Variants in MALRD1 observed in about 807,000 individuals in gnomAD.
MALRD1 encodes MAM and LDL receptor class A domain containing 1, also known as MAM and LDL-receptor class A domain-containing protein 1.
MALRD1 carries 247 observed loss-of-function variants against 242.1 expected under a neutral mutation model. That is an observed-to-expected ratio of 1.02 (90% CI 0.92 to 1.13). The LOEUF (loss-of-function observed/expected upper bound fraction) is 1.13, where lower values mean the gene tolerates loss of function less well. MALRD1 is among the 50% of genes most tolerant of loss of function. The probability of loss-of-function intolerance (pLI) is 0.00; values close to 1 mark genes in which losing one functional copy is unlikely to be tolerated. For missense variants in MALRD1, 2,989 were observed against 2,533.1 expected (o/e 1.18, Z -3.86); for synonymous variants, 995 against 866.6 (o/e 1.15, Z -2.60).
At chr10:19,522,519 A>G (rs1833926775) in intron 31 of MALRD1, among the ~76,000 whole-genome samples, 1 of 152,148 alleles carries the variant, frequency 6.6e-6, no homozygotes, top group Non-Finnish European at 1.5e-5. Flanking sequence ...TTCTTCTTAA[A>G]TAAGGACTGT....
intron 29 of MALRD1, among the ~76,000 whole-genome samples, chr10:19,473,244 A>G (rs1234155210): frequency 3.3e-5 from 5 of 151,636 alleles, no homozygotes; most frequent in African/African-American, 1.2e-4. Flanking sequence ...CCCTGCTCCT[A>G]TAACAGTGCC....
chr10:19,419,916 G>A (rs531978191), intron 28 of MALRD1, among the ~76,000 whole-genome samples: 1 of 152,054 alleles, frequency 6.6e-6, no homozygotes, highest in Admixed American at 6.5e-5. Context: ...ATAAAAAGAA[G>A]ACATAAAGTG....
intron 36 of MALRD1, among the ~76,000 whole-genome samples, chr10:19,645,226 C>T (rs181204626): frequency 6.6e-6 from 1 of 152,096 alleles, no homozygotes; most frequent in South Asian, 2.1e-4. Flanking sequence ...AAGTCAGGAA[C>T]AACAGGTGCT....
intron 18 of MALRD1, among the ~76,000 whole-genome samples, chr10:19,256,006 A>G (rs1341964053): frequency 2.0e-5 from 3 of 152,084 alleles, no homozygotes; most frequent in Non-Finnish European, 2.9e-5. Context: ...GAATGGAGCT[A>G]TGAATGTGTA....
chr10:19,226,184 G>A (rs1837792230), intron 18 of MALRD1, among the ~76,000 whole-genome samples: 1 of 152,036 alleles, frequency 6.6e-6, no homozygotes, highest in Non-Finnish European at 1.5e-5. Flanking sequence ...TCTCAAGTTG[G>A]TTTCAACAAC....
In MALRD1 at chr10:19,595,295, G is replaced by T. The variant is rs1222149450; in HGVS notation, c.5782G>T (p.Asp1928Tyr). ...CTCAGGGAAATGTGATGGACATGAA[G>T]ACTGCATAGATGGATCTGATGAAAT... Reference protein sequence around the residue: ...PLSGKCDGHEDCIDGSDEMDC... With the variant: ...PLSGKCDGHEYCIDGSDEMDC... The change falls in exon 34 of 40, where the codon GAC (aspartate) becomes TAC (tyrosine). Residue 1928 changes from aspartate to tyrosine, a missense_variant. Transcript: ENST00000454679. 7.7e-6 allele frequency: 12 copies of T among 1,550,678 alleles called. No homozygotes were observed. The highest frequency in any genetic ancestry group is 8.7e-6 in the Non-Finnish European group (10 of 1,147,014).
intron 18 of MALRD1, among the ~76,000 whole-genome samples, chr10:19,215,005 A>C (rs1231080126): frequency 6.6e-6 from 1 of 152,210 alleles, no homozygotes; most frequent in African/African-American, 2.4e-5. Flanking sequence ...GTCAACAAGC[A>C]AAATGCCTGG....
intron 36 of MALRD1, among the ~76,000 whole-genome samples, chr10:19,637,608 G>A (rs751035400): frequency 6.6e-6 from 1 of 151,964 alleles, no homozygotes; most frequent in Non-Finnish European, 1.5e-5. Context: ...TTTTGGAGAG[G>A]TTATTGTCGT....
At chr10:19,568,242 C>G (rs980575977) in intron 33 of MALRD1, among the ~76,000 whole-genome samples, 3 of 152,198 alleles carry the variant, frequency 2.0e-5, no homozygotes, top group Non-Finnish European at 2.9e-5. Flanking sequence ...TGTTCCCCCC[C>G]TAAGTGGGGC....
At chr10:19,182,582 A>C (rs973917793) in intron 14 of MALRD1, among the ~76,000 whole-genome samples, 10 of 151,814 alleles carry the variant, frequency 6.6e-5, no homozygotes, top group African/African-American at 2.4e-4. Context: ...CGTCCGCCTC[A>C]GCCTCCCAAA....
At chr10:19,608,398 A>G (rs16919150) in intron 35 of MALRD1, among the ~76,000 whole-genome samples, 9,249 of 152,146 alleles carry the variant, frequency 0.061, 683 homozygotes, top group African/African-American at 0.18. Flanking sequence ...TGGAACATGT[A>G]TACAGCATAG....
At chr10:19,512,020 G>A (rs1438824638) in intron 31 of MALRD1, among the ~76,000 whole-genome samples, 2 of 152,024 alleles carry the variant, frequency 1.3e-5, no homozygotes, top group Admixed American at 1.3e-4. Context: ...GTCCTCTTGA[G>A]TTGAGAGATA....
chr10:19,565,230 T>C (rs1210779066), intron 32 of MALRD1, among the ~76,000 whole-genome samples: 1 of 152,042 alleles, frequency 6.6e-6, no homozygotes, highest in African/African-American at 2.4e-5. Flanking sequence ...GGTGTGGTTT[T>C]GAGAAGTAGA....
intron 21 of MALRD1, among the ~76,000 whole-genome samples, chr10:19,287,019 C>T (rs962287815): frequency 1.5e-4 from 23 of 151,964 alleles, no homozygotes; most frequent in African/African-American, 2.9e-4. Flanking sequence ...GTTCAATATA[C>T]GCAAATCAAT....
intron 32 of MALRD1, among the ~76,000 whole-genome samples, chr10:19,559,575 C>T (rs1835872983): frequency 6.6e-6 from 1 of 151,750 alleles, no homozygotes; most frequent in Non-Finnish European, 1.5e-5. Context: ...TGTGAATCCA[C>T]CTGGTCAAAG....
intron 5 of MALRD1, among the ~76,000 whole-genome samples, chr10:19,105,085 C>T (rs1836417274): frequency 6.6e-6 from 1 of 151,892 alleles, no homozygotes; most frequent in South Asian, 2.1e-4. Flanking sequence ...GTTAACTATA[C>T]TGTGTAATAG....
At chr10:19,588,017 T>A (rs1837532270) in intron 33 of MALRD1, among the ~76,000 whole-genome samples, 2 of 151,848 alleles carry the variant, frequency 1.3e-5, no homozygotes. Context: ...ATATACAACA[T>A]CATCTGCAAA....
At chr10:19,508,537 A>C (rs920174099) in intron 31 of MALRD1, among the ~76,000 whole-genome samples, 3 of 152,214 alleles carry the variant, frequency 2.0e-5, no homozygotes, top group Admixed American at 1.3e-4. Flanking sequence ...GCAACTAGCC[A>C]CATGGAACTA....
intron 18 of MALRD1, among the ~76,000 whole-genome samples, chr10:19,250,797 T>G (rs1839262128): frequency 6.6e-6 from 1 of 151,736 alleles, no homozygotes; most frequent in Non-Finnish European, 1.5e-5. Context: ...AAAGATCAGC[T>G]CCCCACATCC....
Sources: allele counts gnomAD v4.1 joint callset (sites outside exome capture counted in the v4.1 genomes callset), GRCh38; gene constraint gnomAD v4.1.1; transcripts MANE v1.5; gene names NCBI Gene and HGNC (gene_info 2026-07-23, HGNC 2026-07-21).